Variants in ZSCAN1 observed in about 807,000 individuals in gnomAD.
The protein encoded by ZSCAN1 is zinc finger and SCAN domain containing 1.
In ZSCAN1, 23 loss-of-function variants were observed where a neutral mutation model predicts 23.8. The observed-to-expected ratio is 0.97, with a 90% CI of 0.70 to 1.37. The LOEUF is 1.37. ZSCAN1 is among the 40% of genes most tolerant of loss of function. The probability of loss-of-function intolerance (pLI) is 0.00; values close to 1 mark genes in which losing one functional copy is unlikely to be tolerated. For synonymous variants in ZSCAN1, 236 were observed against 232.3 expected, an observed-to-expected ratio of 1.02 and a Z score of -0.15; for missense variants, 575 against 554.0, an observed-to-expected ratio of 1.04 and a Z score of -0.38.
chr19:58,038,484 C>T (rs963904474), intron 3 of ZSCAN1: 4 of 579,948 alleles, frequency 6.9e-6, no homozygotes, highest in Non-Finnish European at 1.2e-5. Context: ...CTGCTCCTCA[C>T]GGCTGCTCTC....
chr19:58,054,928 G>C (rs912854775), downstream of ZSCAN1, among the ~76,000 whole-genome samples: 2 of 152,086 alleles, frequency 1.3e-5, no homozygotes, highest in African/African-American at 4.8e-5. The surrounding 1 kb of genome is among the most constrained non-coding windows in gnomAD (Gnocchi z 4.2). Context: ...AGGATCAGAT[G>C]GTCTCCAAAG....
At position 58,045,612 on chromosome 19, in the gene ZSCAN1, G is replaced by C; in HGVS notation, c.465+5068G>C. ...ACAGCTTCCTGCGCTTCCAGCTCACGATGCGGCTGCGCTCCATAAAGGCAG... is the reference window on the plus strand; with the variant it reads ...ACAGCTTCCTGCGCTTCCAGCTCACCATGCGGCTGCGCTCCATAAAGGCAG... On this transcript the variant is annotated intron_variant, in intron 4 of 5. Transcript: ENST00000282326. The surrounding 1 kb of genome is among the most constrained non-coding windows in gnomAD (Gnocchi z 4.3). The C allele has an allele frequency of 2.0e-6, 2 of 988,462 alleles. No homozygotes were observed. Among genetic ancestry groups the C allele is most frequent in the Non-Finnish European group, 3.3e-6 (2 of 609,078 alleles). The allele number at this position is 988,462 out of a possible 1,614,324, so 61.2% of individuals were successfully genotyped here.
Position 58,052,602 on chromosome 19 carries a change from A to C in ZSCAN1, c.578A>C (p.Glu193Ala), listed in dbSNP as rs753446113. The change falls in exon 5 of 6, where the codon GAA becomes GCA. Residue 193 changes from glutamate (E) to alanine (A), a missense_variant. By Grantham distance (107) the Glu-to-Ala change is moderately radical. Transcript: ENST00000282326. ...AGTCTGCACACCAGGGCGGAGGCCG[A>C]AGCGCCCCGCGCCCCTGGCTTGCTG... ...QQSLHTRAEA[E>A]APRAPGLLGS... The C allele has an allele frequency of 1.2e-5, 19 of 1,610,954 alleles. No individual in the cohort carries two copies. Among genetic ancestry groups the C allele is most frequent in the Admixed American group, 1.7e-5 (1 of 59,696 alleles).
At chr19:58,050,253 G>A (rs1366859317) in intron 4 of ZSCAN1, among the ~76,000 whole-genome samples, 4 of 151,922 alleles carry the variant, frequency 2.6e-5, no homozygotes, top group African/African-American at 9.7e-5. Context: ...TGGCCAGCAT[G>A]GTGAAGCCTC....
intron 3 of ZSCAN1, 66 bp downstream of exon 3, chr19:58,038,272 G>T: frequency 2.0e-6 from 3 of 1,536,986 alleles, no homozygotes; most frequent in Non-Finnish European, 8.7e-7. Context: ...GGACCGAACT[G>T]CCCTCCTTCC....
At chr19:58,055,062 C>A (rs1415992123), downstream of ZSCAN1, among the ~76,000 whole-genome samples, 7 of 152,184 alleles carry the variant, frequency 4.6e-5, no homozygotes, top group Non-Finnish European at 1.0e-4. Context: ...GACACTCGTC[C>A]CCTTTCAAGC....
Position 58,053,669 on chromosome 19 carries a change from T to C in ZSCAN1, c.845T>C (p.Val282Ala). ...TQEAVAGISVVPRGPRGGRPF... is the reference protein window; with the variant it reads ...TQEAVAGISVAPRGPRGGRPF... ...GAGGCTGTTGCAGGCATCTCGGTAG[T>C]GCCGCGTGGGCCCCGAGGTGGGCGG... The change falls in exon 6 of 6, where the codon GTG (valine) becomes GCG (alanine). Residue 282 changes from valine to alanine, a missense_variant. Physicochemically the swap from Val to Ala is moderately conservative, Grantham distance 64 (BLOSUM62 0). Transcript: ENST00000282326. The surrounding 1 kb of genome is among the most constrained non-coding windows in gnomAD (Gnocchi z 5.8). 1 of 1,614,050 alleles carries C rather than the reference T, an allele frequency of 6.2e-7. No homozygotes were observed.
chr19:58,047,138 G>A lies in ZSCAN1; in HGVS notation c.466-5352G>A, dbSNP rs1462523398. Among the ~76,000 whole-genome samples, 1 of 152,210 alleles carries A rather than the reference G, an allele frequency of 6.6e-6. No homozygotes were observed. The highest frequency in any genetic ancestry group is 2.4e-5 in the African/African-American group (1 of 41,460). On this transcript the variant is annotated intron_variant, in intron 4 of 5. Transcript: ENST00000282326. The surrounding 1 kb of genome is among the most constrained non-coding windows in gnomAD (Gnocchi z 4.9). ...AGGACCACATGGACTCTGCCCACAC[G>A]GAGCTGGCTGCTACGCCCACCCTCA...
chr19:58,037,923 A>C lies in ZSCAN1; in HGVS notation c.87A>C (p.Ala29=), dbSNP rs2073750596. 3.8e-6 allele frequency: 6 copies of C among 1,584,012 alleles called. No homozygotes were observed. The East Asian group carries it at 1.4e-4, about 36-fold the overall frequency. Residue 29 remains alanine, a synonymous_variant, in exon 3 of 6, where the codon GCA becomes GCC. Transcript: ENST00000282326. ...PSEQDADPGP[A]SPRDTEAQRL... The stretch of plus-strand genomic sequence containing the variant: ...AGCAGGACGCAGACCCTGGGCCAGC[A>C]AGCCCCAGGGACACCGAAGCCCAGC...
intron 4 of ZSCAN1, among the ~76,000 whole-genome samples, chr19:58,048,369 T>C (rs1182439040): frequency 3.9e-5 from 6 of 152,276 alleles, no homozygotes; most frequent in African/African-American, 1.4e-4. Context: ...ATGATGTGGT[T>C]TGAGCCAAGT....
intron 3 of ZSCAN1, 47 bp downstream of exon 3, chr19:58,038,253 C>T (rs774104262): frequency 1.8e-5 from 28 of 1,557,394 alleles, no homozygotes; most frequent in Non-Finnish European, 2.3e-5. Context: ...GGGGGCCTGA[C>T]GTCTCCGAGG....
Position 58,053,820 on chromosome 19 carries a change from C to T in ZSCAN1, c.996C>T (p.Asn332=). 1 of 1,614,156 alleles carries T rather than the reference C, an allele frequency of 6.2e-7. No individual in the cohort carries two copies. Among genetic ancestry groups the T allele is most frequent in the Non-Finnish European group, 8.5e-7 (1 of 1,180,026 alleles). The part of the protein sequence containing the change: ...CPECGKVFLH[N]SVLTEHGKIH... ...AGTGTGGCAAGGTCTTCCTGCACAA[C>T]TCCGTCCTCACTGAGCATGGCAAGA... The change falls in exon 6 of 6, where the codon AAC becomes AAT. Residue 332 remains asparagine (N), a synonymous_variant. Transcript: ENST00000282326. The surrounding 1 kb of genome is among the most constrained non-coding windows in gnomAD (Gnocchi z 5.8).
At position 58,040,016 on chromosome 19, in the gene ZSCAN1, G is replaced by T. The variant is rs540252537; in HGVS notation, c.371-434G>T. Among the ~76,000 whole-genome samples the T allele has an allele frequency of 6.6e-6, 1 of 152,248 alleles. No individual in the cohort carries two copies. The highest frequency in any genetic ancestry group is 1.5e-5 in the Non-Finnish European group (1 of 68,014). On this transcript the variant is annotated intron_variant, in intron 3 of 5. Coordinates refer to ENST00000282326, the MANE Select transcript of ZSCAN1 (RefSeq NM_182572.4). This position sits in a 1 kb window ranked among gnomAD's most constrained non-coding sequence, Gnocchi z 5.8. ...CCCAAAGTGCTGGGATTACTGGTGTGAGCCACCACGCCTGGCCTGGTTCCC... is the reference window on the plus strand; with the variant it reads ...CCCAAAGTGCTGGGATTACTGGTGTTAGCCACCACGCCTGGCCTGGTTCCC...
intron 2 of ZSCAN1, 21 bp from the exon 3 acceptor site, chr19:58,037,707 T>C: frequency 1.7e-6 from 2 of 1,200,766 alleles, no homozygotes; most frequent in Non-Finnish European, 2.2e-6. Context: ...GTGACCCCTC[T>C]GTCCCTGCCC....
In ZSCAN1 at chr19:58,037,788, C is replaced by T. The variant is rs369079210; in HGVS notation, c.-49C>T. On this transcript the variant is annotated 5_prime_UTR_variant, in exon 3 of 6. Coordinates refer to ENST00000282326, the MANE Select transcript of ZSCAN1 (RefSeq NM_182572.4). Reference sequence around the variant, plus strand: ...GGCTCTGTCCGGAGCCACTGGGACTCGGGATCCAGTCCACACACACCCCTC... The same window carrying T: ...GGCTCTGTCCGGAGCCACTGGGACTTGGGATCCAGTCCACACACACCCCTC... 998 of 1,432,830 alleles carry T rather than the reference C, an allele frequency of 7.0e-4. 2 individuals carry two copies. The highest frequency in any genetic ancestry group is 8.7e-4 in the Non-Finnish European group (951 of 1,097,008). 88.8% of individuals were successfully genotyped at this position (1,432,830 alleles called of 1,614,324 possible).
chr19:58,037,827 G>A lies in ZSCAN1; in HGVS notation c.-10G>A. On this transcript the variant is annotated 5_prime_UTR_variant, in exon 3 of 6. Coordinates refer to ENST00000282326, the MANE Select transcript of ZSCAN1 (RefSeq NM_182572.4). ...CACACACCCCTCAGAGGGGCACTGT[G>A]GCCAGAGAAATGCTTCCACGGCCCA... The A allele has an allele frequency of 6.8e-7, 1 of 1,468,360 alleles. No individual in the cohort carries two copies. The highest frequency in any genetic ancestry group is 9.0e-7 in the Non-Finnish European group (1 of 1,111,264). 91.0% of individuals were successfully genotyped at this position (1,468,360 alleles called of 1,614,324 possible). A position where few individuals can be genotyped will look rare whatever the true frequency, so the allele number is the denominator to read the frequency against.
Position 58,034,179 on chromosome 19 carries a change from C to T in ZSCAN1, c.-152+18C>T, listed in dbSNP as rs1183924238. 6.6e-6 allele frequency: 1 copy of T among 151,132 alleles called. No individual in the cohort carries two copies. Among genetic ancestry groups the T allele is most frequent in the African/African-American group, 2.4e-5 (1 of 41,322 alleles). The allele number at this position is 151,132 out of a possible 1,614,324, so 9.4% of individuals were successfully genotyped here. A position where few individuals can be genotyped will look rare whatever the true frequency, so the allele number is the denominator to read the frequency against. ...CGCGCGCGGTGAGTCCGCCGCGGCC[C>T]ATCCGTCCCTCCGCCCGCCAGAGCG... On this transcript the variant is annotated intron_variant, in intron 1 of 5. Coordinates refer to ENST00000282326, the MANE Select transcript of ZSCAN1 (RefSeq NM_182572.4).
In ZSCAN1 at chr19:58,047,348, T is replaced by G. The variant is rs750034184; in HGVS notation, c.466-5142T>G. 6.6e-6 allele frequency among the ~76,000 whole-genome samples: 1 copy of G among 152,252 alleles called. No individual in the cohort carries two copies. The highest frequency in any genetic ancestry group is 1.5e-5 in the Non-Finnish European group (1 of 68,044). ...TGGCCTCTGGAGAGTGACGTCTCCC[T>G]GCTGGCAGGGCCGGTTCTCACCTGC... On this transcript the variant is annotated intron_variant, in intron 4 of 5. Coordinates refer to ENST00000282326, the MANE Select transcript of ZSCAN1 (RefSeq NM_182572.4). The surrounding 1 kb of genome is among the most constrained non-coding windows in gnomAD (Gnocchi z 4.9).
Position 58,054,226 on chromosome 19 carries a change from C to T in ZSCAN1, c.*175C>T, listed in dbSNP as rs545202274. On this transcript the variant is annotated 3_prime_UTR_variant, in exon 6 of 6. Transcript: ENST00000282326. This position sits in a 1 kb window ranked among gnomAD's most constrained non-coding sequence, Gnocchi z 4.2. Reference sequence around the variant, plus strand: ...TGGACACCTGCTCCGAAGCCAAGCACGGGATGGGGCTTCCCAGGGTCTCAG... The same window carrying T: ...TGGACACCTGCTCCGAAGCCAAGCATGGGATGGGGCTTCCCAGGGTCTCAG... 8.7e-5 allele frequency: 69 copies of T among 794,570 alleles called. No homozygotes were observed. The South Asian group carries it at 1.3e-3, about 15-fold the overall frequency. The allele number at this position is 794,570 out of a possible 1,614,324, so 49.2% of individuals were successfully genotyped here.
Sources: gnomAD v4.1 joint callset for allele counts (sites outside exome capture counted in the v4.1 genomes callset) on GRCh38, gnomAD v4.1.1 for gene constraint, Gnocchi (gnomAD v3.1) non-coding constraint, MANE v1.5 for transcripts, NCBI Gene and HGNC (gene_info 2026-07-23, HGNC 2026-07-21) for gene names.